Variants in GNPAT observed in about 807,000 individuals in gnomAD.
GNPAT encodes the protein dihydroxyacetone phosphate acyltransferase.
Under a neutral mutation model 78.4 loss-of-function variants are expected in GNPAT, and 30 were observed. That is an observed-to-expected ratio of 0.38 (90% CI 0.29 to 0.52). The LOEUF (loss-of-function observed/expected upper bound fraction) is 0.52, where lower values mean the gene tolerates loss of function less well. GNPAT is among the 20% of genes least tolerant of loss of function. The pLI, the probability that GNPAT is intolerant of heterozygous loss-of-function variation, is 0.84. For missense variants in GNPAT, 714 were observed against 812.2 expected (o/e 0.88, Z 1.47); for synonymous variants, 271 against 281.1 (o/e 0.96, Z 0.36).
At chr1:231,272,194 C>T in intron 10 of GNPAT, 118 bp from the exon 11 acceptor site, 1 of 684,916 alleles carries the variant, frequency 1.5e-6, no homozygotes. Context: ...AATTCTTGTC[C>T]CTGTTACATG....
chr1:231,272,436 TC>T (rs1685595874), intron 11 of GNPAT, 45 bp downstream of exon 11: 1 of 1,030,122 alleles, frequency 9.7e-7, no homozygotes, highest in Admixed American at 1.7e-5. Context: ...CAGTGTGAGT[TC>T]TAGAAATGTT....
intron 3 of GNPAT, among the ~76,000 whole-genome samples, 155 bp downstream of exon 3, chr1:231,260,838 T>C (rs1685203727): frequency 6.6e-6 from 1 of 152,144 alleles, no homozygotes; most frequent in Non-Finnish European, 1.5e-5. Context: ...TCATCAGGCC[T>C]CCAGTCTAGG....
At chr1:231,241,498 A>C in intron 1 of GNPAT, 42 bp downstream of exon 1, 3 of 1,362,990 alleles carry the variant, frequency 2.2e-6, no homozygotes, top group Non-Finnish European at 3.1e-6. Flanking sequence ...GAGCCGCGCG[A>C]AATAGTACCC....
At chr1:231,247,037 C>T (rs954260246) in intron 1 of GNPAT, among the ~76,000 whole-genome samples, 24 of 152,190 alleles carry the variant, frequency 1.6e-4, no homozygotes, top group African/African-American at 5.1e-4. Context: ...GGCATGGTGG[C>T]GGGCGCCTGT....
At position 231,276,005 on chromosome 1, in the gene GNPAT, G is replaced by A. The variant is rs117777700; in HGVS notation, c.1938-130G>A. ...GTGGGACAGGAGCCTGAGGCCTTTCGACTACTTAGGCCCAGCCTTGAGGAA... is the reference window on the plus strand; with the variant it reads ...GTGGGACAGGAGCCTGAGGCCTTTCAACTACTTAGGCCCAGCCTTGAGGAA... On this transcript the variant is annotated intron_variant, in intron 14 of 15. Coordinates refer to ENST00000366647, the MANE Select transcript of GNPAT (RefSeq NM_014236.4). 1.4e-3 allele frequency: 897 copies of A among 628,792 alleles called. 9 individuals are homozygous for A. The East Asian group carries it at 0.022, about 16-fold the overall frequency. 39.0% of individuals were successfully genotyped at this position (628,792 alleles called of 1,614,324 possible).
intron 4 of GNPAT, 133 bp downstream of exon 4, chr1:231,262,985 A>G (rs1421295375): frequency 5.6e-6 from 4 of 719,914 alleles, no homozygotes; most frequent in African/African-American, 5.2e-5. Context: ...AGCACTGAAT[A>G]ACTTGAGTTA....
chr1:231,242,643 G>A (rs1399234880), intron 1 of GNPAT, among the ~76,000 whole-genome samples: 1 of 152,202 alleles, frequency 6.6e-6, no homozygotes, highest in Non-Finnish European at 1.5e-5. Flanking sequence ...AAGGGAAGAG[G>A]GTTGCTGTGC....
chr1:231,275,050 G>T (rs960396048), intron 12 of GNPAT, 171 bp from the exon 13 acceptor site: 2 of 603,198 alleles, frequency 3.3e-6, no homozygotes, highest in African/African-American at 1.9e-5. Flanking sequence ...CAAAGGAGAT[G>T]CCCTAAAAAT....
chr1:231,270,667 G>C (rs1685537460), intron 9 of GNPAT, 91 bp from the exon 10 acceptor site: 1 of 1,232,094 alleles, frequency 8.1e-7, no homozygotes, highest in Non-Finnish European at 1.2e-6. Context: ...ATGAGCATCT[G>C]TCACGTTACC....
intron 10 of GNPAT, among the ~76,000 whole-genome samples, chr1:231,271,291 C>T (rs1263179616): frequency 3.3e-5 from 5 of 152,196 alleles, no homozygotes; most frequent in African/African-American, 1.2e-4. Context: ...TACAGTTCTC[C>T]ACTTCCTGGT....
chr1:231,245,519 G>A (rs1204860995), intron 1 of GNPAT, among the ~76,000 whole-genome samples: 2 of 152,076 alleles, frequency 1.3e-5, no homozygotes, highest in Admixed American at 1.3e-4. Context: ...CCAGATCACT[G>A]GGATTACAGA....
At chr1:231,253,997 G>A (rs1208328328) in intron 2 of GNPAT, among the ~76,000 whole-genome samples, 4 of 152,292 alleles carry the variant, frequency 2.6e-5, no homozygotes, top group South Asian at 4.1e-4. Context: ...ATTTTTAGTA[G>A]AGACAGGGTT....
At chr1:231,270,238 GTTATC>G (rs1685519716) in intron 9 of GNPAT, among the ~76,000 whole-genome samples, 2 of 152,162 alleles carry the variant, frequency 1.3e-5, no homozygotes, top group Non-Finnish European at 2.9e-5. Flanking sequence ...TGCCCCTTTA[GTTATC>G]TTTGATTTGG....
intron 1 of GNPAT, among the ~76,000 whole-genome samples, chr1:231,245,508 C>T (rs1306578085): frequency 2.6e-5 from 4 of 152,110 alleles, no homozygotes; most frequent in African/African-American, 9.7e-5. Flanking sequence ...GCCTTGGCCT[C>T]CCAGATCACT....
intron 1 of GNPAT, among the ~76,000 whole-genome samples, chr1:231,245,177 A>G (rs969886143): frequency 1.3e-5 from 2 of 152,160 alleles, no homozygotes; most frequent in African/African-American, 4.8e-5. Flanking sequence ...CAGCTATCCA[A>G]TCACTATTCC....
At chr1:231,277,192 C>A (rs1166120189) in intron 15 of GNPAT, among the ~76,000 whole-genome samples, 1 of 152,180 alleles carries the variant, frequency 6.6e-6, no homozygotes, top group African/African-American at 2.4e-5. Flanking sequence ...GTGAGGGTGA[C>A]GGAATCAATT....
rs1055425612 is a variant in GNPAT, at chr1:231,241,292, G to T, written c.-87G>T. 5.7e-6 allele frequency: 8 copies of T among 1,411,530 alleles called. No homozygotes were observed. In the Middle Eastern group the frequency reaches 5.3e-4, roughly 93 times the overall value. The allele number at this position is 1,411,530 out of a possible 1,614,324, so 87.4% of individuals were successfully genotyped here. A position where few individuals can be genotyped will look rare whatever the true frequency, so the allele number is the denominator to read the frequency against. On this transcript the variant is annotated 5_prime_UTR_variant, in exon 1 of 16. Coordinates refer to ENST00000366647, the MANE Select transcript of GNPAT (RefSeq NM_014236.4). ...CCGCCGCCCTAGGCGAAGTAGGGCC[G>T]TCCTGAGCGAAAGAACCGCCCCCAG...
chr1:231,242,217 TTTTG>T (rs1420446843), intron 1 of GNPAT, among the ~76,000 whole-genome samples: 15 of 152,150 alleles, frequency 9.9e-5, no homozygotes, highest in African/African-American at 2.7e-4. Context: ...CTGGTTTGGT[TTTTG>T]TTTGTTTCTT....
chr1:231,257,263 C>T (rs1323795137), intron 2 of GNPAT, among the ~76,000 whole-genome samples: 1 of 152,198 alleles, frequency 6.6e-6, no homozygotes, highest in Non-Finnish European at 1.5e-5. Context: ...TGATGATTTT[C>T]CATCCAGGGG....
Sources: allele counts gnomAD v4.1 joint callset (sites outside exome capture counted in the v4.1 genomes callset), GRCh38; gene constraint gnomAD v4.1.1; transcripts MANE v1.5; gene names NCBI Gene and HGNC (gene_info 2026-07-23, HGNC 2026-07-21).